Variants in PCDHA8 observed in about 807,000 individuals in gnomAD.
PCDHA8 encodes protocadherin alpha-8.
In PCDHA8, 53 loss-of-function variants were observed where a neutral mutation model predicts 61.8. That is an observed-to-expected ratio of 0.86 (90% CI 0.69 to 1.08). The LOEUF (loss-of-function observed/expected upper bound fraction) is 1.08. PCDHA8 is among the 50% of genes least tolerant of loss of function. The pLI is 0.00. For synonymous variants in PCDHA8, 618 were observed against 556.6 expected, an observed-to-expected ratio of 1.11 and a Z score of -1.55; for missense variants, 1,293 against 1,245.0, an observed-to-expected ratio of 1.04 and a Z score of -0.58.
Position 140,907,311 on chromosome 5 carries a change from T to C in PCDHA8, c.2394+63596T>C, listed in dbSNP as rs534638330. Among the ~76,000 whole-genome samples the C allele has an allele frequency of 5.9e-5, 9 of 152,292 alleles. No individual in the cohort carries two copies. The East Asian group carries it at 1.7e-3, about 29-fold the overall frequency. On this transcript the variant is annotated intron_variant, in intron 1 of 3. Coordinates refer to ENST00000531613, the MANE Select transcript of PCDHA8 (RefSeq NM_018911.3). Reference sequence around the variant, plus strand: ...AGCTGCTTCAGGATGATGGGGAACATGTAAAGACCAGTGAATTCCATATGC... The same window carrying C: ...AGCTGCTTCAGGATGATGGGGAACACGTAAAGACCAGTGAATTCCATATGC...
At chr5:140,967,624 G>C (rs950749188) in intron 1 of PCDHA8, 1 of 1,614,158 alleles carries the variant, frequency 6.2e-7, no homozygotes, top group Non-Finnish European at 8.5e-7. Flanking sequence ...ACCCGGATGA[G>C]GGCTCCAATG....
At chr5:140,991,447 C>T (rs1554252191) in intron 3 of PCDHA8, among the ~76,000 whole-genome samples, 1 of 152,162 alleles carries the variant, frequency 6.6e-6, no homozygotes, top group African/African-American at 2.4e-5. Context: ...TGGCTTAAAA[C>T]AACACAATGT....
rs781866730 is a variant in PCDHA8 at position 141,009,887 on chromosome 5, CAG to C, written c.2804_2805del (p.Gln935ArgfsTer11). ...GAAAAAGAAGAAGGGTAACAAGACCCAGGAGAAAAAAGAGAAAGGGAACAGCA... is the reference window on the plus strand; with the variant it reads ...GAAAAAGAAGAAGGGTAACAAGACCCGAGAAAAAAGAGAAAGGGAACAGCA... ...KKKKKKGNKTQEKKEKGNSTT... is the reference protein window; with the variant it reads ...KKKKKKGNKTXEKKEKGNSTT... On this transcript the variant is annotated frameshift_variant, in exon 4 of 4. Transcript: ENST00000531613. LOFTEE classifies it high-confidence loss of function. 1.9e-6 allele frequency: 3 copies of C among 1,612,850 alleles called. No homozygotes were observed. In the South Asian group the frequency reaches 3.3e-5, roughly 18 times the overall value.
At chr5:140,996,795 C>G (rs1554255407) in intron 3 of PCDHA8, among the ~76,000 whole-genome samples, 1 of 152,170 alleles carries the variant, frequency 6.6e-6, no homozygotes, top group East Asian at 1.9e-4. Flanking sequence ...CTCCCTACAT[C>G]CAATCATGCT....
chr5:140,876,551 A>G (rs781855200), intron 1 of PCDHA8: 1 of 1,614,184 alleles, frequency 6.2e-7, no homozygotes, highest in Admixed American at 1.7e-5. Context: ...CTCCCTGTGC[A>G]AGAGGATGCT....
At chr5:140,863,741 G>T in intron 1 of PCDHA8, 1 of 249,706 alleles carries the variant, frequency 4.0e-6, no homozygotes, top group East Asian at 1.0e-4. Context: ...ATGCCTATTT[G>T]TAATCCCGGC....
Position 140,903,378 on chromosome 5 carries a change from G to T in PCDHA8, c.2394+59663G>T, listed in dbSNP as rs938741904. Among the ~76,000 whole-genome samples, 3 of 152,196 alleles carry T rather than the reference G, an allele frequency of 2.0e-5. No homozygotes were observed. In the South Asian group the frequency reaches 6.2e-4, roughly 32 times the overall value. On this transcript the variant is annotated intron_variant, in intron 1 of 3. Coordinates refer to ENST00000531613, the MANE Select transcript of PCDHA8 (RefSeq NM_018911.3). Reference sequence around the variant, plus strand: ...GTTTTTCAAAAATATAGGGAGGATTGTGGTTACTTCTAGAAACAGTAGTGC... The same window carrying T: ...GTTTTTCAAAAATATAGGGAGGATTTTGGTTACTTCTAGAAACAGTAGTGC...
chr5:140,862,327 A>G (rs1317111352), intron 1 of PCDHA8: 1 of 326,932 alleles, frequency 3.1e-6, no homozygotes, highest in Non-Finnish European at 6.0e-6. Context: ...TAATCAGTGT[A>G]ATTGACCCTA....
chr5:140,966,860 T>A, intron 1 of PCDHA8: 1 of 1,577,482 alleles, frequency 6.3e-7, no homozygotes, highest in Middle Eastern at 1.7e-4. Flanking sequence ...CCTGCTGCTG[T>A]TGCTGCTGCT....
rs557640687 is a variant in PCDHA8 at position 140,964,686 on chromosome 5, C to T, written c.2395-14263C>T. 7.2e-5 allele frequency among the ~76,000 whole-genome samples: 11 copies of T among 151,874 alleles called. No individual in the cohort carries two copies. In the East Asian group the frequency reaches 2.1e-3, roughly 29 times the overall value. On this transcript the variant is annotated intron_variant, in intron 1 of 3. Coordinates refer to ENST00000531613, the MANE Select transcript of PCDHA8 (RefSeq NM_018911.3). ...ACAGGCCAGGTCCACAATTTGTGCA[C>T]TTGAGAGATTAAGGCCTCCGAGATC...
At chr5:140,854,205 T>C (rs2043038740) in intron 1 of PCDHA8, 1 of 692,808 alleles carries the variant, frequency 1.4e-6, no homozygotes, top group East Asian at 1.3e-4. Flanking sequence ...CTACTTTTTA[T>C]TCAATATTGG....
chr5:140,935,561 T>C (rs1184981109), intron 1 of PCDHA8, among the ~76,000 whole-genome samples: 3 of 152,218 alleles, frequency 2.0e-5, no homozygotes, highest in African/African-American at 7.2e-5. Context: ...TTGGAAAAGT[T>C]CCTCTCTGTG....
intron 1 of PCDHA8, among the ~76,000 whole-genome samples, chr5:140,894,303 A>G (rs1386163832): frequency 2.0e-5 from 3 of 151,922 alleles, no homozygotes; most frequent in Admixed American, 6.6e-5. Context: ...TTTCCTGGAA[A>G]GTTTTCTTAA....
At chr5:140,926,908 G>C (rs950305439) in intron 1 of PCDHA8, 2 of 1,560,316 alleles carry the variant, frequency 1.3e-6, no homozygotes, top group Admixed American at 1.8e-5. Flanking sequence ...GGGCTGTGGG[G>C]TGGCAGTTTT....
rs1277390291 is a variant in PCDHA8 at position 140,926,661 on chromosome 5, A to T, written c.2395-52288A>T. 7.5e-6 allele frequency: 4 copies of T among 536,378 alleles called. No homozygotes were observed. In the African/African-American group the frequency reaches 7.9e-5, roughly 11 times the overall value. The allele number at this position is 536,378 out of a possible 1,614,324, so 33.2% of individuals were successfully genotyped here. A position where few individuals can be genotyped will look rare whatever the true frequency, so the allele number is the denominator to read the frequency against. On this transcript the variant is annotated intron_variant, in intron 1 of 3. Coordinates refer to ENST00000531613, the MANE Select transcript of PCDHA8 (RefSeq NM_018911.3). ...AACACCCGGCCGGCTCCGCTTTCCC[A>T]GACGGCTGCCCAGCCTCCAGCCTAG...
At chr5:140,868,810 G>C (rs944762063) in intron 1 of PCDHA8, 6 of 369,934 alleles carry the variant, frequency 1.6e-5, no homozygotes, top group African/African-American at 1.2e-4. Flanking sequence ...AAGCACGTTG[G>C]AAATATTTGG....
intron 1 of PCDHA8, chr5:140,868,929 AG>A: frequency 9.3e-7 from 1 of 1,070,938 alleles, no homozygotes; most frequent in Non-Finnish European, 1.3e-6. Context: ...GTTCATTTAA[AG>A]GTTGGTCTGA....
At chr5:140,845,287 C>A (rs918574993) in intron 1 of PCDHA8, among the ~76,000 whole-genome samples, 1 of 149,322 alleles carries the variant, frequency 6.7e-6, no homozygotes, top group Non-Finnish European at 1.5e-5. Flanking sequence ...TATTTCCTAT[C>A]CTGTCTATGT....
At chr5:140,996,884 A>T (rs1411027110) in intron 3 of PCDHA8, among the ~76,000 whole-genome samples, 1 of 152,186 alleles carries the variant, frequency 6.6e-6, no homozygotes, top group African/African-American at 2.4e-5. Flanking sequence ...TGTATTTTTA[A>T]ATAAAATAGA....
Sources: gnomAD v4.1 joint callset for allele counts (sites outside exome capture counted in the v4.1 genomes callset) on GRCh38, gnomAD v4.1.1 for gene constraint, MANE v1.5 for transcripts, NCBI Gene and HGNC (gene_info 2026-07-23, HGNC 2026-07-21) for gene names.